The following PRDM16 variants were observed in gnomAD, a reference collection of about 807,000 sequenced individuals.
The protein encoded by PRDM16 is PR/SET domain 16.
PRDM16 carries 23 observed loss-of-function variants against 110.6 expected under a neutral mutation model. The observed-to-expected ratio is 0.21, with a 90% CI of 0.15 to 0.29. The LOEUF is 0.29. Ranked by LOEUF, PRDM16 falls within the 10% of genes least tolerant of loss-of-function variation. The probability of loss-of-function intolerance (pLI) is 1.00; values close to 1 mark genes in which losing one functional copy is unlikely to be tolerated. For synonymous variants in PRDM16, 799 were observed against 781.8 expected, an observed-to-expected ratio of 1.02 and a Z score of -0.37; for missense variants, 1,615 against 1,794.3, an observed-to-expected ratio of 0.90 and a Z score of 1.81.
intron 1 of PRDM16, among the ~76,000 whole-genome samples, chr1:3,122,994 GCAA>G (rs1289764565): frequency 6.6e-6 from 1 of 152,170 alleles, no homozygotes; most frequent in East Asian, 1.9e-4. Flanking sequence ...GCAGCGGTGT[GCAA>G]GGGGCCAAGG....
intron 1 of PRDM16, among the ~76,000 whole-genome samples, chr1:3,173,276 A>G (rs1416284725): frequency 2.0e-5 from 3 of 152,230 alleles, no homozygotes; most frequent in Non-Finnish European, 4.4e-5. Context: ...TCTCTGAAAC[A>G]AAGAGGCTTT....
intron 1 of PRDM16, among the ~76,000 whole-genome samples, chr1:3,086,133 T>C (rs1642145836): frequency 6.6e-6 from 1 of 152,318 alleles, no homozygotes; most frequent in Admixed American, 6.5e-5. Flanking sequence ...GGTCTCTGTC[T>C]ACACACTCCA....
chr1:3,189,895 A>G (rs914033338), intron 2 of PRDM16, among the ~76,000 whole-genome samples: 2 of 152,220 alleles, frequency 1.3e-5, no homozygotes, highest in Non-Finnish European at 2.9e-5. Flanking sequence ...TCATTTTGGG[A>G]CACCATGGAA....
At chr1:3,337,536 C>G (rs16824328) in intron 3 of PRDM16, among the ~76,000 whole-genome samples, 5,068 of 152,286 alleles carry the variant, frequency 0.033, 230 homozygotes, top group East Asian at 0.11. Context: ...AGGGGACCAT[C>G]ATCAGGGACC....
chr1:3,230,045 C>T (rs1005396030), intron 2 of PRDM16, among the ~76,000 whole-genome samples: 1 of 152,202 alleles, frequency 6.6e-6, no homozygotes, highest in African/African-American at 2.4e-5. Flanking sequence ...GGCTGTGGCC[C>T]AAGGAGGAAC....
At chr1:3,341,968 C>T (rs1040075233) in intron 3 of PRDM16, among the ~76,000 whole-genome samples, 1 of 152,216 alleles carries the variant, frequency 6.6e-6, no homozygotes, top group Non-Finnish European at 1.5e-5. Flanking sequence ...GAGGTAACCC[C>T]ATCTCAAGTT....
chr1:3,259,746 A>G (rs1640122294), intron 3 of PRDM16, among the ~76,000 whole-genome samples: 1 of 151,686 alleles, frequency 6.6e-6, no homozygotes, highest in Non-Finnish European at 1.5e-5. Flanking sequence ...AACCAGCCCC[A>G]AGCAAGGGAC....
intron 3 of PRDM16, among the ~76,000 whole-genome samples, chr1:3,341,351 G>A (rs2100513809): frequency 6.6e-6 from 1 of 152,314 alleles, no homozygotes; most frequent in South Asian, 2.1e-4. Flanking sequence ...TGGGCCTTGT[G>A]GTTGCAGCTG....
chr1:3,395,991 C>T (rs1050924023), intron 4 of PRDM16, among the ~76,000 whole-genome samples: 6 of 152,222 alleles, frequency 3.9e-5, no homozygotes, highest in Admixed American at 6.5e-5. Context: ...ATGGCATCCC[C>T]GCTCCTGGGA....
chr1:3,298,130 C>G (rs1347444812), intron 3 of PRDM16, among the ~76,000 whole-genome samples: 1 of 152,264 alleles, frequency 6.6e-6, no homozygotes, highest in Non-Finnish European at 1.5e-5. Flanking sequence ...AGCCAAACCT[C>G]TGGGGCTTGG....
At chr1:3,202,002 AG>A (rs974319952) in intron 2 of PRDM16, among the ~76,000 whole-genome samples, 72 of 152,274 alleles carry the variant, frequency 4.7e-4, no homozygotes, top group African/African-American at 1.7e-3. Flanking sequence ...TCCATGAGGC[AG>A]GGGACGCCCT....
At position 3,279,360 on chromosome 1, in the gene PRDM16, G is replaced by T. The variant is rs186175478; in HGVS notation, c.438+35223G>T. ...TCAGATCTGAAACGCAGAGAGGAAG[G>T]GCGGGCCCTCGCGGTGCCTCGGGGC... is the stretch of plus-strand genomic sequence containing the variant. On this transcript the variant is annotated intron_variant, in intron 3 of 16. Transcript: ENST00000270722. 4.2e-3 allele frequency among the ~76,000 whole-genome samples: 641 copies of T among 152,274 alleles called. 6 individuals carry two copies. Among genetic ancestry groups the T allele is most frequent in the African/African-American group, 0.013 (539 of 41,564 alleles).
At chr1:3,120,298 G>C (rs767913569) in intron 1 of PRDM16, among the ~76,000 whole-genome samples, 1 of 152,146 alleles carries the variant, frequency 6.6e-6, no homozygotes, top group Admixed American at 6.5e-5. Flanking sequence ...CTCCCCTCCC[G>C]GGGCACTGGA....
chr1:3,113,938 T>G (rs569950651), intron 1 of PRDM16, among the ~76,000 whole-genome samples: 128 of 152,274 alleles, frequency 8.4e-4, no homozygotes, highest in African/African-American at 2.9e-3. Flanking sequence ...AATTTTTTTC[T>G]TTTTTTTCTC....
intron 1 of PRDM16, among the ~76,000 whole-genome samples, chr1:3,105,758 G>A (rs770619152): frequency 2.6e-5 from 4 of 152,202 alleles, no homozygotes; most frequent in Admixed American, 1.3e-4. Context: ...CGCTGGCCTC[G>A]CCTCCCGCCC....
intron 2 of PRDM16, among the ~76,000 whole-genome samples, chr1:3,194,460 G>A (rs1024957706): frequency 2.6e-5 from 4 of 152,098 alleles, no homozygotes; most frequent in Non-Finnish European, 4.4e-5. Flanking sequence ...AGAGGGGAAG[G>A]GGTAGACCAT....
intron 1 of PRDM16, among the ~76,000 whole-genome samples, chr1:3,111,637 TCAGGGGCGCACGCCCCCTGGGG>T (rs1267932098): frequency 3.9e-5 from 6 of 151,958 alleles, no homozygotes; most frequent in Non-Finnish European, 5.9e-5. Flanking sequence ...GAGGCGCAGG[TCAGGGGCGCACGCCCCCTGGGG>T]CGGGGGCGCA....
At chr1:3,082,434 C>G (rs10909873) in intron 1 of PRDM16, among the ~76,000 whole-genome samples, 84,225 of 152,104 alleles carry the variant, frequency 0.55, 24,248 homozygotes, top group East Asian at 0.65. Flanking sequence ...GTAGGAAACC[C>G]AGGGTGAGGG....
intron 16 of PRDM16, among the ~76,000 whole-genome samples, 171 bp from the exon 17 acceptor site, chr1:3,433,506 C>G: frequency 6.9e-6 from 1 of 145,906 alleles, no homozygotes; most frequent in Admixed American, 7.5e-5. Context: ...ATGGCCCGCC[C>G]TGCCCACGCG....
Sources: gnomAD v4.1 joint callset for allele counts (sites outside exome capture counted in the v4.1 genomes callset) on GRCh38, gnomAD v4.1.1 for gene constraint, MANE v1.5 for transcripts, NCBI Gene and HGNC (gene_info 2026-07-23, HGNC 2026-07-21) for gene names.